Variants in MFAP1 observed in about 807,000 individuals in gnomAD.
MFAP1 encodes microfibril associated protein 1, also known as microfibrillar-associated protein 1.
A neutral mutation model predicts 62.2 loss-of-function variants in MFAP1; 18 were observed. The ratio of observed to expected loss-of-function variants is 0.29; its 90% CI spans 0.20 to 0.43. The LOEUF (loss-of-function observed/expected upper bound fraction) is 0.43, where lower values mean the gene tolerates loss of function less well. Among genes scored for constraint, MFAP1 ranks in the 20% least tolerant of loss-of-function variants. The pLI is 1.00. For synonymous variants in MFAP1, 175 were observed against 180.4 expected (o/e 0.97, Z 0.24); for missense variants, 355 against 559.7 (o/e 0.63, Z 3.69).
Position 43,804,808 on chromosome 15 carries a change from A to G in MFAP1, c.*286T>C, listed in dbSNP as rs530642538. On this transcript the variant is annotated 3_prime_UTR_variant, in exon 9 of 9. Coordinates refer to ENST00000267812, the MANE Select transcript of MFAP1 (RefSeq NM_005926.3). ...GAAAAAGAAAGTCAGAACAGTCCCAAGTAAATATGGGAAACCATAGCAGTG... is the reference window on the plus strand; with the variant it reads ...GAAAAAGAAAGTCAGAACAGTCCCAGGTAAATATGGGAAACCATAGCAGTG... The G allele has an allele frequency of 1.4e-5, 4 of 292,212 alleles. No homozygotes were observed. In the East Asian group the frequency reaches 1.7e-4, roughly 12 times the overall value. The allele number at this position is 292,212 out of a possible 1,614,324, so 18.1% of individuals were successfully genotyped here.
intron 2 of MFAP1, among the ~76,000 whole-genome samples, chr15:43,815,749 T>G (rs1005238224): frequency 2.0e-5 from 3 of 152,090 alleles, no homozygotes; most frequent in Non-Finnish European, 4.4e-5. Context: ...AATCCCTGCC[T>G]CAGCCTCCCG....
chr15:43,815,454 AG>A (rs2087428546), intron 2 of MFAP1, among the ~76,000 whole-genome samples: 1 of 152,144 alleles, frequency 6.6e-6, no homozygotes, highest in South Asian at 2.1e-4. Flanking sequence ...CTGGGATTAT[AG>A]GTGTGAGCCA....
chr15:43,816,010 C>T (rs1334454254), intron 2 of MFAP1, among the ~76,000 whole-genome samples: 3 of 152,050 alleles, frequency 2.0e-5, no homozygotes, highest in Non-Finnish European at 4.4e-5. Context: ...TCGAGAATAT[C>T]GTGTCTTTGT....
chr15:43,824,356 T>C, intron 1 of MFAP1, 135 bp downstream of exon 1: 2 of 786,010 alleles, frequency 2.5e-6, no homozygotes, highest in Non-Finnish European at 2.0e-6. Context: ...TGGGTGGGGG[T>C]GGAAAGATCG....
At chr15:43,816,253 T>TC (rs2087433291) in intron 2 of MFAP1, among the ~76,000 whole-genome samples, 1 of 149,786 alleles carries the variant, frequency 6.7e-6, no homozygotes, top group Non-Finnish European at 1.5e-5. Context: ...TTCTTTTCTT[T>TC]TTTTTTTTTT....
chr15:43,805,217 G>T lies in MFAP1; in HGVS notation c.1197C>A (p.Thr399=). 3 of 1,601,992 alleles carry T rather than the reference G, an allele frequency of 1.9e-6. No individual in the cohort carries two copies. The highest frequency in any genetic ancestry group is 2.6e-6 in the Non-Finnish European group (3 of 1,169,712). The stretch of plus-strand genomic sequence containing the variant: ...GGCCCCAAGCTGAGTCAAAGGAGGT[G>T]GTATCTTGATCCACAAGGTGAGTGT... ...TKYTHLVDQD[T]TSFDSAWGQE... is the part of the protein sequence containing the mutation. Residue 399 remains threonine (T), a synonymous_variant, in exon 9 of 9, where the codon ACC becomes ACA. Transcript: ENST00000267812.
At chr15:43,805,964 C>G (rs1482392352) in intron 7 of MFAP1, among the ~76,000 whole-genome samples, 1 of 112,744 alleles carries the variant, frequency 8.9e-6, no homozygotes, top group Admixed American at 9.3e-5. Flanking sequence ...TTTTTTTTTT[C>G]CCTGAGACAG....
At position 43,813,341 on chromosome 15, in the gene MFAP1, C is replaced by T; in HGVS notation, c.634G>A (p.Val212Ile). ...AATGCTTCGGCTTCACGTTCTTGAA[C>T]TGTCACTCGGTCCTTCCTGCATCAC... ...VFIRKKDRVT[V>I]QEREAEALKQ... Residue 212 changes from valine to isoleucine, a missense_variant, in exon 5 of 9, where the codon GTT becomes ATT. Val to Ile is a conservative substitution (Grantham distance 29). Transcript: ENST00000267812. 2 of 1,609,592 alleles carry T rather than the reference C, an allele frequency of 1.2e-6. No individual in the cohort carries two copies. The highest frequency in any genetic ancestry group is 1.7e-6 in the Non-Finnish European group (2 of 1,178,954).
chr15:43,819,797 T>G (rs1031387651), intron 1 of MFAP1, among the ~76,000 whole-genome samples: 8 of 152,208 alleles, frequency 5.3e-5, no homozygotes, highest in African/African-American at 1.9e-4. Context: ...TATCATAAAG[T>G]GCTGGGATTT....
chr15:43,804,904 T>C lies in MFAP1; in HGVS notation c.*190A>G. 1.9e-6 allele frequency: 1 copy of C among 531,180 alleles called. No homozygotes were observed. 32.9% of individuals were successfully genotyped at this position (531,180 alleles called of 1,614,324 possible). ...TAATCCTACCTGGACAGTGCTTTCC[T>C]GTGGGTTTCTCAGCATGAGTCCAAA... On this transcript the variant is annotated 3_prime_UTR_variant, in exon 9 of 9. Coordinates refer to ENST00000267812, the MANE Select transcript of MFAP1 (RefSeq NM_005926.3).
chr15:43,822,371 T>C (rs117822051), intron 1 of MFAP1, among the ~76,000 whole-genome samples: 3 of 152,072 alleles, frequency 2.0e-5, no homozygotes, highest in Non-Finnish European at 4.4e-5. Flanking sequence ...GTTCTCAAAG[T>C]TTGTTTTCTT....
chr15:43,810,075 G>T (rs997362312), intron 6 of MFAP1, 161 bp from the exon 7 acceptor site: 8 of 793,216 alleles, frequency 1.0e-5, no homozygotes, highest in African/African-American at 8.6e-5. Flanking sequence ...AAACAAATGG[G>T]TGAGTTAGTC....
At chr15:43,818,667 A>C (rs1180248797) in intron 1 of MFAP1, among the ~76,000 whole-genome samples, 1 of 152,018 alleles carries the variant, frequency 6.6e-6, no homozygotes, top group African/African-American at 2.4e-5. Flanking sequence ...TTGAGGCAGG[A>C]GGATTGCTTA....
rs971290790 is a variant in MFAP1 at position 43,815,832 on chromosome 15, C to A, written c.300-758G>T. On this transcript the variant is annotated intron_variant, in intron 2 of 8. Coordinates refer to ENST00000267812, the MANE Select transcript of MFAP1 (RefSeq NM_005926.3). Reference sequence around the variant, plus strand: ...TATTTTTAGTAGAGATGGAGTTTCGCCATATTGGCCAGGCTAGTCTTGAAC... The same window carrying A: ...TATTTTTAGTAGAGATGGAGTTTCGACATATTGGCCAGGCTAGTCTTGAAC... Among the ~76,000 whole-genome samples the A allele has an allele frequency of 2.0e-5, 3 of 152,008 alleles. No homozygotes were observed. In the East Asian group the frequency reaches 5.8e-4, roughly 29 times the overall value.
rs544916364 is a variant in MFAP1, at chr15:43,804,789, G to T, written c.*305C>A. On this transcript the variant is annotated 3_prime_UTR_variant, in exon 9 of 9. Coordinates refer to ENST00000267812, the MANE Select transcript of MFAP1 (RefSeq NM_005926.3). ...TAACCCAAGCTAAGGGCTGGAAAAA[G>T]AAAGTCAGAACAGTCCCAAGTAAAT... The T allele has an allele frequency of 2.0e-5, 5 of 254,450 alleles. No homozygotes were observed. The highest frequency in any genetic ancestry group is 3.7e-5 in the Non-Finnish European group (5 of 135,440). 15.8% of individuals were successfully genotyped at this position (254,450 alleles called of 1,614,324 possible). A position where few individuals can be genotyped will look rare whatever the true frequency, so the allele number is the denominator to read the frequency against.
At position 43,813,320 on chromosome 15, in the gene MFAP1, C is replaced by T. The variant is rs1044688121; in HGVS notation, c.655G>A (p.Ala219Thr). 2.8e-5 allele frequency: 45 copies of T among 1,610,830 alleles called. No individual in the cohort carries two copies. The highest frequency in any genetic ancestry group is 3.6e-5 in the Non-Finnish European group (43 of 1,179,306). Reference protein sequence around the residue: ...RVTVQEREAEALKQKELEQEA... With the variant: ...RVTVQEREAETLKQKELEQEA... ...TGCTCCAGCTCCTTCTGTTTCAATG[C>T]TTCGGCTTCACGTTCTTGAACTGTC... Residue 219 changes from alanine to threonine, a missense_variant, in exon 5 of 9, where the codon GCA becomes ACA. Physicochemically the swap from Ala to Thr is moderately conservative, Grantham distance 58. This residue lies in a region of MFAP1 where 257 missense variants were observed against 341.3 expected (regional missense o/e 0.75). Transcript: ENST00000267812.
At position 43,804,823 on chromosome 15, in the gene MFAP1, C is replaced by T. The variant is rs1400679946; in HGVS notation, c.*271G>A. On this transcript the variant is annotated 3_prime_UTR_variant, in exon 9 of 9. Transcript: ENST00000267812. The stretch of plus-strand genomic sequence containing the variant: ...AACAGTCCCAAGTAAATATGGGAAA[C>T]CATAGCAGTGATAAAACCTAAGATT... 3.1e-6 allele frequency: 1 copy of T among 327,576 alleles called. No homozygotes were observed. The highest frequency in any genetic ancestry group is 2.1e-5 in the African/African-American group (1 of 47,230). 20.3% of individuals were successfully genotyped at this position (327,576 alleles called of 1,614,324 possible).
intron 2 of MFAP1, 107 bp from the exon 3 acceptor site, chr15:43,815,181 G>T: frequency 7.1e-7 from 1 of 1,406,140 alleles, no homozygotes; most frequent in Non-Finnish European, 9.7e-7. Context: ...CATTAATACT[G>T]AAGTTTTTTT....
intron 1 of MFAP1, among the ~76,000 whole-genome samples, chr15:43,822,824 A>G (rs937178926): frequency 6.6e-6 from 1 of 151,802 alleles, no homozygotes; most frequent in Non-Finnish European, 1.5e-5. Context: ...ACATCCCGCT[A>G]ATTTTTAATT....
Sources: gnomAD v4.1 joint callset for allele counts (sites outside exome capture counted in the v4.1 genomes callset) on GRCh38, gnomAD v4.1.1 for gene constraint, gnomAD v4.1.1 regional missense constraint, MANE v1.5 for transcripts, NCBI Gene and HGNC (gene_info 2026-07-23, HGNC 2026-07-21) for gene names.